PPP4R1: variants seen among roughly 807,000 people sequenced by gnomAD.
PPP4R1 encodes the protein serine/threonine-protein phosphatase 4 regulatory subunit 1.
Under a neutral mutation model 111.2 loss-of-function variants are expected in PPP4R1, and 42 were observed. The ratio of observed to expected loss-of-function variants is 0.38; its 90% CI spans 0.29 to 0.49. PPP4R1 has a LOEUF of 0.49. Among genes scored for constraint, PPP4R1 ranks in the 20% least tolerant of loss-of-function variants. The pLI, the probability that PPP4R1 is intolerant of heterozygous loss-of-function variation, is 0.97. For missense variants in PPP4R1, 1,012 were observed against 1,161.6 expected, an observed-to-expected ratio of 0.87 and a Z score of 1.87; for synonymous variants, 409 against 405.5, an observed-to-expected ratio of 1.01 and a Z score of -0.10.
intron 5 of PPP4R1, 63 bp downstream of exon 5, chr18:9,588,648 G>A (rs748532899): frequency 3.0e-5 from 43 of 1,414,302 alleles, no homozygotes; most frequent in Non-Finnish European, 3.6e-5. Context: ...ACTTAGGCTC[G>A]GCTATTCTCC....
At chr18:9,586,429 AATG>A (rs2067117597) in intron 6 of PPP4R1, among the ~76,000 whole-genome samples, 1 of 152,178 alleles carries the variant, frequency 6.6e-6, no homozygotes, top group African/African-American at 2.4e-5. Flanking sequence ...AAAAAGAAAT[AATG>A]ATGTTTTGGA....
At chr18:9,555,329 A>C (rs1379602043) in intron 15 of PPP4R1, among the ~76,000 whole-genome samples, 4 of 152,178 alleles carry the variant, frequency 2.6e-5, no homozygotes, top group Admixed American at 1.3e-4. Flanking sequence ...TAATTAAAAA[A>C]AAACAGAAAG....
intron 2 of PPP4R1, among the ~76,000 whole-genome samples, chr18:9,606,159 C>T (rs1208996117): frequency 1.3e-5 from 2 of 152,174 alleles, no homozygotes; most frequent in African/African-American, 2.4e-5. Context: ...TCATTCAATA[C>T]TTATTCTACA....
chr18:9,584,646 T>G lies in PPP4R1; in HGVS notation c.694-66A>C, dbSNP rs1189318071. 2.5e-6 allele frequency: 4 copies of G among 1,601,582 alleles called. No homozygotes were observed. The African/African-American group carries it at 5.4e-5, about 22-fold the overall frequency. ...ATAAGGTTCTTCTAAGATAATCTTT[T>G]AAATATCATGTATCAGTACATTAAC... On this transcript the variant is annotated intron_variant, in intron 7 of 19. Coordinates refer to ENST00000400556, the MANE Select transcript of PPP4R1 (RefSeq NM_001042388.3).
intron 2 of PPP4R1, among the ~76,000 whole-genome samples, chr18:9,602,217 A>G (rs2067395455): frequency 6.6e-6 from 1 of 152,164 alleles, no homozygotes; most frequent in South Asian, 2.1e-4. Flanking sequence ...AATTTAAGAA[A>G]AAGTGCCTAA....
intron 14 of PPP4R1, among the ~76,000 whole-genome samples, chr18:9,559,156 A>G (rs2066634123): frequency 2.6e-5 from 4 of 152,228 alleles, no homozygotes; most frequent in Admixed American, 2.6e-4. Flanking sequence ...CTAGATAATA[A>G]TACATTTTAA....
upstream of PPP4R1, chr18:9,615,224 G>A (rs1349317841): frequency 6.6e-6 from 1 of 152,282 alleles, no homozygotes; most frequent in African/African-American, 2.4e-5. Context: ...TGAAGGCTGG[G>A]GCGCCGGGTT....
At chr18:9,555,283 C>G (rs1213542486) in intron 15 of PPP4R1, among the ~76,000 whole-genome samples, 1 of 151,718 alleles carries the variant, frequency 6.6e-6, no homozygotes, top group Admixed American at 6.6e-5. Context: ...GCCTGGGCAA[C>G]AGAGTGAGAC....
intron 15 of PPP4R1, among the ~76,000 whole-genome samples, chr18:9,554,047 T>C (rs1414240764): frequency 6.6e-6 from 1 of 152,210 alleles, no homozygotes; most frequent in Non-Finnish European, 1.5e-5. Context: ...TATTATGTAG[T>C]TGATTTGATG....
chr18:9,610,474 T>C (rs2067558871), intron 2 of PPP4R1, among the ~76,000 whole-genome samples: 2 of 152,226 alleles, frequency 1.3e-5, no homozygotes, highest in South Asian at 4.1e-4. Flanking sequence ...CCTAAACTTT[T>C]TTTTTTTGAG....
intron 19 of PPP4R1, 66 bp from the exon 20 acceptor site, chr18:9,548,018 G>A: frequency 1.3e-6 from 2 of 1,509,210 alleles, no homozygotes; most frequent in Middle Eastern, 1.8e-4. Context: ...GTTCCGTCAA[G>A]TACGAGTGTA....
chr18:9,560,445 G>A (rs2066654652), intron 13 of PPP4R1, among the ~76,000 whole-genome samples: 1 of 152,050 alleles, frequency 6.6e-6, no homozygotes, highest in East Asian at 1.9e-4. Context: ...GGATATAAAA[G>A]AAAGGTAAAA....
intron 11 of PPP4R1, among the ~76,000 whole-genome samples, chr18:9,566,642 C>T (rs1433981304): frequency 7.7e-6 from 1 of 130,206 alleles, no homozygotes; most frequent in Non-Finnish European, 1.6e-5. Context: ...CGGAGTGAGG[C>T]GCTGTGACAC....
At chr18:9,573,224 G>A (rs547319304) in intron 10 of PPP4R1, among the ~76,000 whole-genome samples, 5 of 152,214 alleles carry the variant, frequency 3.3e-5, no homozygotes, top group Admixed American at 3.3e-4. Context: ...TTCAATAAAG[G>A]CTAGATTAGC....
At chr18:9,588,383 A>T in intron 5 of PPP4R1, 148 bp from the exon 6 acceptor site, 1 of 961,392 alleles carries the variant, frequency 1.0e-6, no homozygotes, top group South Asian at 1.8e-5. Context: ...ATTTTCTTCA[A>T]CTATTACAAA....
chr18:9,584,804 C>T lies in PPP4R1; in HGVS notation c.610G>A (p.Val204Ile). The T allele has an allele frequency of 6.2e-7, 1 of 1,612,508 alleles. No homozygotes were observed. The highest frequency in any genetic ancestry group is 8.5e-7 in the Non-Finnish European group (1 of 1,178,968). Reference sequence around the variant, plus strand: ...AGACGCTCTGTAATATCCTTCCCAACCATGGGAGCCATTTTGCACATTATC... The same window carrying T: ...AGACGCTCTGTAATATCCTTCCCAATCATGGGAGCCATTTTGCACATTATC... ...VAIMCKMAPMVGKDITERLIL... is the reference protein window; with the variant it reads ...VAIMCKMAPMIGKDITERLIL... The change falls in exon 7 of 20, where the codon GTT (valine) becomes ATT (isoleucine). Residue 204 changes from valine (V) to isoleucine (I), a missense_variant. Val to Ile is a conservative substitution (Grantham distance 29). Transcript: ENST00000400556.
At chr18:9,598,750 C>A (rs1312079973) in intron 2 of PPP4R1, among the ~76,000 whole-genome samples, 2 of 152,102 alleles carry the variant, frequency 1.3e-5, no homozygotes, top group Non-Finnish European at 2.9e-5. Context: ...TGGGGCCAGG[C>A]ACAGTGGCTC....
At position 9,547,843 on chromosome 18, in the gene PPP4R1, AG is replaced by A; in HGVS notation, c.2798del (p.Pro933LeufsTer11). 1 of 1,613,634 alleles carries A rather than the reference AG, an allele frequency of 6.2e-7. No individual in the cohort carries two copies. The highest frequency in any genetic ancestry group is 8.5e-7 in the Non-Finnish European group (1 of 1,180,024). Reference sequence around the variant, plus strand: ...CATCTTCGGAGATTTTGGTACTGGCAGGGTGGATGCTTGCAAAATACTTGAC... The same window carrying A: ...CATCTTCGGAGATTTTGGTACTGGCAGGTGGATGCTTGCAAAATACTTGAC... ...SDVKYFASIH[P>X]ASTKISEDAM... On this transcript the variant is annotated frameshift_variant, in exon 20 of 20. Transcript: ENST00000400556. LOFTEE classifies it high-confidence loss of function.
intron 16 of PPP4R1, chr18:9,550,852 A>G (rs1304915138): frequency 1.3e-5 from 2 of 156,220 alleles, no homozygotes; most frequent in African/African-American, 2.4e-5. Flanking sequence ...GCTAGGGATA[A>G]CAGAGGGAGG....
Sources: allele counts gnomAD v4.1 joint callset (sites outside exome capture counted in the v4.1 genomes callset), GRCh38; gene constraint gnomAD v4.1.1; transcripts MANE v1.5; gene names NCBI Gene and HGNC (gene_info 2026-07-23, HGNC 2026-07-21).